SMG1: variants seen among roughly 807,000 people sequenced by gnomAD.
The protein encoded by SMG1 is serine/threonine-protein kinase SMG1.
SMG1 carries 22 observed loss-of-function variants against 419.9 expected under a neutral mutation model. The ratio of observed to expected loss-of-function variants is 0.05; its 90% CI spans 0.04 to 0.07. The LOEUF (loss-of-function observed/expected upper bound fraction) is 0.07, where lower values mean the gene tolerates loss of function less well. Ranked by LOEUF, SMG1 falls within the 10% of genes least tolerant of loss-of-function variation. The pLI is 1.00. For missense variants in SMG1, 3,185 were observed against 4,342.0 expected (o/e 0.73, Z 7.49); for synonymous variants, 1,538 against 1,553.5 (o/e 0.99, Z 0.23).
rs745437811 is a variant in SMG1, at chr16:18,850,134, T to A, written c.5284-8A>T. On this transcript the variant is annotated splice_region_variant and splice_polypyrimidine_tract_variant and intron_variant, in intron 34 of 62. Coordinates refer to ENST00000446231, the MANE Select transcript of SMG1 (RefSeq NM_015092.5). ...ATCCTCATCTAAAGGAATCTAAGAG[T>A]GAAAGATGAGGGGAATAAATAAGAA... 1 of 1,608,210 alleles carries A rather than the reference T, an allele frequency of 6.2e-7. No homozygotes were observed. Among genetic ancestry groups the A allele is most frequent in the Non-Finnish European group, 8.5e-7 (1 of 1,176,918 alleles).
intron 30 of SMG1, 52 bp downstream of exon 30, chr16:18,854,604 T>C: frequency 6.7e-7 from 1 of 1,496,200 alleles, no homozygotes; most frequent in Admixed American, 2.0e-5. Flanking sequence ...GTAACATTCA[T>C]ATACATGATT....
At chr16:18,915,647 A>G (rs1447308158) in intron 1 of SMG1, among the ~76,000 whole-genome samples, 1 of 152,158 alleles carries the variant, frequency 6.6e-6, no homozygotes, top group Non-Finnish European at 1.5e-5. Context: ...AAAATTCCAG[A>G]TAGTGGTAAG....
Position 18,869,208 on chromosome 16 carries a change from G to C in SMG1, c.2729C>G (p.Ala910Gly), listed in dbSNP as rs1044281208. 2 of 1,611,770 alleles carry C rather than the reference G, an allele frequency of 1.2e-6. No individual in the cohort carries two copies. The highest frequency in any genetic ancestry group is 1.7e-6 in the Non-Finnish European group (2 of 1,179,664). Residue 910 changes from alanine to glycine, a missense_variant, in exon 20 of 63, where the codon GCT (alanine) becomes GGT (glycine). Transcript: ENST00000446231. ...CCATATGGCCCACTGCCAAAGGACAGCATCTGTCTTCAGGAGATTGCGTGG... is the reference window on the plus strand; with the variant it reads ...CCATATGGCCCACTGCCAAAGGACACCATCTGTCTTCAGGAGATTGCGTGG... ...TIPRNLLKTD[A>G]VLWQWAIWEA...
Position 18,908,476 on chromosome 16 carries a change from CAAAAAAAAAAAA to C in SMG1, c.93-11532_93-11521del, listed in dbSNP as rs59890240. ...TAGGTAACAGAGCGAGACTCCGTCTCAAAAAAAAAAAAAAAAAAAAAAAGTTACACACTGCAG... is the reference window on the plus strand; with the variant it reads ...TAGGTAACAGAGCGAGACTCCGTCTCAAAAAAAAAAAGTTACACACTGCAG... On this transcript the variant is annotated intron_variant, in intron 1 of 62. Coordinates refer to ENST00000446231, the MANE Select transcript of SMG1 (RefSeq NM_015092.5). Among the ~76,000 whole-genome samples, 394 of 83,724 alleles carry C rather than the reference CAAAAAAAAAAAA, an allele frequency of 4.7e-3. 3 individuals carry two copies. The highest frequency in any genetic ancestry group is 0.016 in the African/African-American group (374 of 22,802). 54.9% of individuals were successfully genotyped at this position (83,724 alleles called of 152,430 possible).
At chr16:18,851,942 A>T in intron 33 of SMG1, 125 bp downstream of exon 33, 1 of 1,013,230 alleles carries the variant, frequency 9.9e-7, no homozygotes, top group South Asian at 2.2e-5. Flanking sequence ...TAAAATGCAG[A>T]AGTTTTTATT....
chr16:18,883,925 A>G, intron 9 of SMG1, 145 bp downstream of exon 9: 1 of 396,264 alleles, frequency 2.5e-6, no homozygotes, highest in Non-Finnish European at 4.6e-6. Flanking sequence ...TCTCAAAAAA[A>G]AAAAAAAAAA....
intron 1 of SMG1, among the ~76,000 whole-genome samples, chr16:18,904,964 A>T (rs1373879456): frequency 6.6e-6 from 1 of 151,004 alleles, no homozygotes; most frequent in Non-Finnish European, 1.5e-5. Flanking sequence ...AATAAATCTA[A>T]AAATTAAGAA....
chr16:18,921,486 T>C (rs1326734600), intron 1 of SMG1, among the ~76,000 whole-genome samples: 5 of 152,252 alleles, frequency 3.3e-5, no homozygotes. Context: ...GCTGAAATTT[T>C]CCTTAGTGTA....
intron 1 of SMG1, among the ~76,000 whole-genome samples, chr16:18,910,741 T>C (rs1341195674): frequency 6.6e-6 from 1 of 152,172 alleles, no homozygotes; most frequent in East Asian, 1.9e-4. Context: ...CGTGTGGTTC[T>C]TCTCCACCCC....
chr16:18,896,619 A>T (rs1424431459), intron 2 of SMG1, among the ~76,000 whole-genome samples, 174 bp downstream of exon 2: 3 of 152,216 alleles, frequency 2.0e-5, no homozygotes, highest in African/African-American at 4.8e-5. Context: ...TTTAAATTTT[A>T]AAAATAATAA....
At chr16:18,844,091 T>A (rs1218966987) in intron 39 of SMG1, among the ~76,000 whole-genome samples, 2 of 151,568 alleles carry the variant, frequency 1.3e-5, no homozygotes, top group Non-Finnish European at 2.9e-5. Flanking sequence ...CTAATTTGAT[T>A]TACTGAAAGG....
intron 9 of SMG1, 48 bp from the exon 10 acceptor site, chr16:18,882,386 A>G (rs747427052): frequency 7.4e-6 from 8 of 1,085,694 alleles, no homozygotes; most frequent in Non-Finnish European, 1.3e-6. Context: ...ATTGTTTTAA[A>G]TAAAAAAAAA....
At chr16:18,887,752 T>A (rs1567428309) in intron 6 of SMG1, among the ~76,000 whole-genome samples, 4 of 30,234 alleles carry the variant, frequency 1.3e-4, no homozygotes, top group Non-Finnish European at 1.7e-4. Flanking sequence ...ATAAAGCATA[T>A]CAAAAACAGT....
At chr16:18,845,013 A>G (rs2141332262) in intron 39 of SMG1, among the ~76,000 whole-genome samples, 1 of 152,374 alleles carries the variant, frequency 6.6e-6, no homozygotes, top group Middle Eastern at 3.4e-3. Flanking sequence ...TTATGTTGTT[A>G]TAAGCGACTA....
intron 55 of SMG1, 113 bp from the exon 56 acceptor site, chr16:18,819,767 A>C: frequency 9.1e-7 from 1 of 1,104,534 alleles, no homozygotes; most frequent in Non-Finnish European, 1.2e-6. Context: ...GGACACATGT[A>C]ATTTAGAAAA....
intron 50 of SMG1, among the ~76,000 whole-genome samples, 154 bp from the exon 51 acceptor site, chr16:18,833,320 C>T (rs1173012494): frequency 6.6e-6 from 1 of 152,072 alleles, no homozygotes; most frequent in Non-Finnish European, 1.5e-5. Context: ...TTTATTTCTA[C>T]TTTTAAATAT....
Position 18,852,304 on chromosome 16 carries a change from A to C in SMG1, c.4913+14T>G. Reference sequence around the variant, plus strand: ...TTTATGCAATGCATAAATAAACTACACATTTAAACATACCTGGCATTGTCA... The same window carrying C: ...TTTATGCAATGCATAAATAAACTACCCATTTAAACATACCTGGCATTGTCA... On this transcript the variant is annotated intron_variant, in intron 32 of 62. Coordinates refer to ENST00000446231, the MANE Select transcript of SMG1 (RefSeq NM_015092.5). 1.2e-6 allele frequency: 2 copies of C among 1,605,202 alleles called. No homozygotes were observed. The highest frequency in any genetic ancestry group is 8.5e-7 in the Non-Finnish European group (1 of 1,176,664).
Position 18,829,170 on chromosome 16 carries a change from T to C in SMG1, c.9603+116A>G, listed in dbSNP as rs1408887026. The C allele has an allele frequency of 7.6e-6, 6 of 786,018 alleles. No individual in the cohort carries two copies. The African/African-American group carries it at 1.0e-4, about 14-fold the overall frequency. 48.7% of individuals were successfully genotyped at this position (786,018 alleles called of 1,614,324 possible). A position where few individuals can be genotyped will look rare whatever the true frequency, so the allele number is the denominator to read the frequency against. On this transcript the variant is annotated intron_variant, in intron 54 of 62. Transcript: ENST00000446231. Reference sequence around the variant, plus strand: ...AATGCTATGGTGTGTTTGCATTGGGTTGCTGTGAGTTCAGGAAGTTTTAAA... The same window carrying C: ...AATGCTATGGTGTGTTTGCATTGGGCTGCTGTGAGTTCAGGAAGTTTTAAA...
At chr16:18,861,425 A>T (rs1596540535) in intron 25 of SMG1, 3 of 151,222 alleles carry the variant, frequency 2.0e-5, no homozygotes, top group African/African-American at 7.3e-5. Flanking sequence ...CAGATCCCTT[A>T]CCCTGTCCCC....
Sources: gnomAD v4.1 joint callset for allele counts (sites outside exome capture counted in the v4.1 genomes callset) on GRCh38, gnomAD v4.1.1 for gene constraint, MANE v1.5 for transcripts, NCBI Gene and HGNC (gene_info 2026-07-23, HGNC 2026-07-21) for gene names.